ST6GALNAC3: variants seen among roughly 807,000 people sequenced by gnomAD.
ST6GALNAC3 encodes the protein alpha-N-acetylgalactosaminide alpha-2,6-sialyltransferase 3.
Under a neutral mutation model 32.7 loss-of-function variants are expected in ST6GALNAC3, and 25 were observed. That is an observed-to-expected ratio of 0.76 (90% CI 0.56 to 1.07). The LOEUF (loss-of-function observed/expected upper bound fraction) is 1.07. ST6GALNAC3 is among the 50% of genes least tolerant of loss of function. ST6GALNAC3 has a pLI of 0.00. For synonymous variants in ST6GALNAC3, 129 were observed against 133.1 expected, an observed-to-expected ratio of 0.97 and a Z score of 0.21; for missense variants, 355 against 382.4, an observed-to-expected ratio of 0.93 and a Z score of 0.60.
chr1:76,430,611 C>T (rs900123074), intron 3 of ST6GALNAC3, among the ~76,000 whole-genome samples: 2 of 152,046 alleles, frequency 1.3e-5, no homozygotes, highest in African/African-American at 4.8e-5. Context: ...CCCATTTATC[C>T]CTCCCTCCTA....
downstream of ST6GALNAC3, among the ~76,000 whole-genome samples, chr1:76,635,407 T>G (rs777879425): frequency 4.6e-5 from 7 of 152,220 alleles, no homozygotes; most frequent in Non-Finnish European, 1.0e-4. Flanking sequence ...ATTAAAGGGC[T>G]GTGTATCTCA....
intron 1 of ST6GALNAC3, among the ~76,000 whole-genome samples, chr1:76,156,371 C>T (rs1651424348): frequency 6.6e-6 from 1 of 152,048 alleles, no homozygotes; most frequent in Non-Finnish European, 1.5e-5. Flanking sequence ...TATATTCCAC[C>T]CTCAGAGAGC....
At chr1:76,176,642 A>C (rs1652874065) in intron 1 of ST6GALNAC3, among the ~76,000 whole-genome samples, 2 of 152,124 alleles carry the variant, frequency 1.3e-5, no homozygotes, top group South Asian at 4.1e-4. Context: ...TTTTTTCCTA[A>C]ACATAATGTA....
intron 2 of ST6GALNAC3, 129 bp downstream of exon 2, chr1:76,314,128 C>A: frequency 4.1e-6 from 3 of 740,666 alleles, no homozygotes; most frequent in Non-Finnish European, 6.2e-6. Context: ...GGGTCCCTGA[C>A]AACATCTTCT....
chr1:76,327,959 C>T (rs924851687), intron 2 of ST6GALNAC3, among the ~76,000 whole-genome samples: 1 of 152,148 alleles, frequency 6.6e-6, no homozygotes, highest in Non-Finnish European at 1.5e-5. Flanking sequence ...TAAACCATCA[C>T]AATGTATAAT....
intron 1 of ST6GALNAC3, among the ~76,000 whole-genome samples, chr1:76,115,119 T>A (rs1385925183): frequency 6.6e-6 from 1 of 152,096 alleles, no homozygotes; most frequent in African/African-American, 2.4e-5. Context: ...TCCTTCAGAA[T>A]TGGATTTTGT....
chr1:76,504,988 T>A (rs116703338), intron 3 of ST6GALNAC3, among the ~76,000 whole-genome samples: 1,627 of 152,270 alleles, frequency 0.011, 30 homozygotes, highest in African/African-American at 0.037. Context: ...GCATACACAA[T>A]GAGGAAATAG....
At chr1:76,387,204 A>G (rs1473391578) in intron 2 of ST6GALNAC3, among the ~76,000 whole-genome samples, 3 of 152,112 alleles carry the variant, frequency 2.0e-5, no homozygotes, top group Non-Finnish European at 2.9e-5. Flanking sequence ...TTCCTTAACA[A>G]TGGTGACTGT....
At chr1:76,494,647 G>GCACA (rs1491154885) in intron 3 of ST6GALNAC3, among the ~76,000 whole-genome samples, 1 of 54,000 alleles carries the variant, frequency 1.9e-5, no homozygotes, top group African/African-American at 1.1e-4. Context: ...TCATGTGTAT[G>GCACA]CGCACACACA....
Position 76,628,983 on chromosome 1 carries a change from A to G in ST6GALNAC3, c.*177A>G. ...GCTAGTAATTTAAACTTGGCATTTCATGGAGGATGGTTGTGCTCATGATGT... is the reference window on the plus strand; with the variant it reads ...GCTAGTAATTTAAACTTGGCATTTCGTGGAGGATGGTTGTGCTCATGATGT... On this transcript the variant is annotated 3_prime_UTR_variant, in exon 5 of 5. Coordinates refer to ENST00000328299, the MANE Select transcript of ST6GALNAC3 (RefSeq NM_152996.4). 7.1e-7 allele frequency: 1 copy of G among 1,407,924 alleles called. No homozygotes were observed. The highest frequency in any genetic ancestry group is 9.2e-7 in the Non-Finnish European group (1 of 1,088,520). 87.2% of individuals were successfully genotyped at this position (1,407,924 alleles called of 1,614,324 possible).
intron 1 of ST6GALNAC3, among the ~76,000 whole-genome samples, chr1:76,089,100 T>C (rs556185484): frequency 3.2e-4 from 48 of 152,222 alleles, no homozygotes; most frequent in African/African-American, 9.1e-4. Flanking sequence ...ACAATCTTGG[T>C]TCACTGCAAG....
chr1:76,389,376 G>A (rs1652361031), intron 2 of ST6GALNAC3, among the ~76,000 whole-genome samples: 3 of 152,150 alleles, frequency 2.0e-5, no homozygotes, highest in Admixed American at 6.5e-5. Context: ...GGAGCCACAT[G>A]AAGAGTTTTG....
intron 1 of ST6GALNAC3, among the ~76,000 whole-genome samples, chr1:76,097,844 G>T (rs1464658989): frequency 6.6e-6 from 1 of 152,046 alleles, no homozygotes; most frequent in African/African-American, 2.4e-5. Context: ...ATGCATTTCT[G>T]TTGGTTGTGT....
rs1371025770 is a variant in ST6GALNAC3 at position 76,414,379 on chromosome 1, A to G, written c.623+1962A>G. Among the ~76,000 whole-genome samples the G allele has an allele frequency of 2.0e-5, 3 of 152,176 alleles. No homozygotes were observed. In the East Asian group the frequency reaches 5.8e-4, roughly 29 times the overall value. On this transcript the variant is annotated intron_variant, in intron 3 of 4. Coordinates refer to ENST00000328299, the MANE Select transcript of ST6GALNAC3 (RefSeq NM_152996.4). ...CCAGACAAGAGAAGACAACTATGCT[A>G]GTGTTTTAGAAATGGACAGAATGGG...
intron 1 of ST6GALNAC3, among the ~76,000 whole-genome samples, chr1:76,087,836 C>T (rs1250415544): frequency 2.0e-5 from 3 of 152,188 alleles, no homozygotes; most frequent in African/African-American, 7.2e-5. Context: ...TTTAATGATA[C>T]AATAACATCA....
intron 3 of ST6GALNAC3, among the ~76,000 whole-genome samples, chr1:76,434,449 T>C (rs917816774): frequency 2.0e-5 from 3 of 152,186 alleles, no homozygotes; most frequent in African/African-American, 7.2e-5. Context: ...TTATTTGTGC[T>C]AAAAGCATTT....
intron 2 of ST6GALNAC3, among the ~76,000 whole-genome samples, chr1:76,405,780 C>G (rs1200660439): frequency 6.6e-6 from 1 of 151,992 alleles, no homozygotes; most frequent in Non-Finnish European, 1.5e-5. Flanking sequence ...CCCTCTCTCT[C>G]TCACTCACTT....
intron 1 of ST6GALNAC3, among the ~76,000 whole-genome samples, chr1:76,208,556 TAA>T (rs1654962562): frequency 6.6e-6 from 1 of 152,162 alleles, no homozygotes; most frequent in African/African-American, 2.4e-5. Context: ...CTTTACAGTC[TAA>T]CTTTCTGAGG....
At chr1:76,097,714 A>G (rs1279742370) in intron 1 of ST6GALNAC3, among the ~76,000 whole-genome samples, 1 of 152,124 alleles carries the variant, frequency 6.6e-6, no homozygotes, top group Non-Finnish European at 1.5e-5. Context: ...TCATTATAGG[A>G]ATATTCCACT....
Sources: gnomAD v4.1 joint callset for allele counts (sites outside exome capture counted in the v4.1 genomes callset) on GRCh38, gnomAD v4.1.1 for gene constraint, MANE v1.5 for transcripts, NCBI Gene and HGNC (gene_info 2026-07-23, HGNC 2026-07-21) for gene names.